The following ATP10B variants were observed in gnomAD, a reference collection of about 807,000 sequenced individuals.
ATP10B encodes phospholipid-transporting ATPase VB.
In ATP10B, 122 loss-of-function variants were observed where a neutral mutation model predicts 141.2. The ratio of observed to expected loss-of-function variants is 0.86; its 90% confidence interval spans 0.75 to 1.00. ATP10B has a LOEUF of 1.00. ATP10B is among the 50% of genes least tolerant of loss of function. The pLI, the probability that ATP10B is intolerant of heterozygous loss-of-function variation, is 0.00. For missense variants in ATP10B, 1,876 were observed against 1,825.3 expected, an observed-to-expected ratio of 1.03 and a Z score of -0.51; for synonymous variants, 685 against 692.0, an observed-to-expected ratio of 0.99 and a Z score of 0.16.
intron 2 of ATP10B, among the ~76,000 whole-genome samples, chr5:160,722,849 T>C (rs1257020016): frequency 6.6e-6 from 1 of 152,080 alleles, no homozygotes; most frequent in Non-Finnish European, 1.5e-5. Context: ...GAGCAACACC[T>C]TGACAGTGGA....
At chr5:160,877,708 T>C in the ATP10B span, among the ~76,000 whole-genome samples, 2 of 141,440 alleles carry the variant, frequency 1.4e-5, no homozygotes, top group Non-Finnish European at 1.6e-5. Flanking sequence ...AAAATCAATG[T>C]ACAAAAATCA....
chr5:160,835,342 GA>G (rs1775352651), intron 1 of ATP10B, among the ~76,000 whole-genome samples: 1 of 152,148 alleles, frequency 6.6e-6, no homozygotes, highest in Non-Finnish European at 1.5e-5. Flanking sequence ...GTTGTTGTCG[GA>G]AGAATGTTTA....
At chr5:160,650,053 G>A (rs1760599590) in intron 7 of ATP10B, among the ~76,000 whole-genome samples, 1 of 151,492 alleles carries the variant, frequency 6.6e-6, no homozygotes, top group Admixed American at 6.6e-5. Context: ...AGGTTGCAGT[G>A]AGCCAAGATC....
intron 1 of ATP10B, among the ~76,000 whole-genome samples, chr5:160,835,206 C>G (rs1348926962): frequency 2.0e-5 from 3 of 152,038 alleles, no homozygotes; most frequent in African/African-American, 7.2e-5. Context: ...AAAAAAATAA[C>G]TCGAGATAGA....
intron 16 of ATP10B, among the ~76,000 whole-genome samples, chr5:160,617,588 A>G (rs906832555): frequency 5.3e-5 from 8 of 152,252 alleles, no homozygotes; most frequent in Non-Finnish European, 1.0e-4. Context: ...AAACAAAATT[A>G]TAACTGAAAA....
chr5:160,886,433 G>T, the ATP10B span, among the ~76,000 whole-genome samples: 7 of 152,312 alleles, frequency 4.6e-5, no homozygotes, highest in African/African-American at 1.7e-4. Flanking sequence ...TGAGGCCCTG[G>T]ATAGCTTAGA....
intron 11 of ATP10B, among the ~76,000 whole-genome samples, chr5:160,634,991 T>A (rs1225424368): frequency 1.3e-5 from 2 of 152,236 alleles, no homozygotes; most frequent in African/African-American, 4.8e-5. Context: ...TATCTCATAT[T>A]TACCAAGTGC....
At chr5:160,790,857 G>A (rs940005652) in intron 1 of ATP10B, among the ~76,000 whole-genome samples, 1 of 152,150 alleles carries the variant, frequency 6.6e-6, no homozygotes, top group Non-Finnish European at 1.5e-5. Flanking sequence ...GGATCATCTG[G>A]GTTGGCCCAG....
Position 160,641,202 on chromosome 5 carries a change from G to A in ATP10B, c.869-610C>T, listed in dbSNP as rs1397798328. On this transcript the variant is annotated intron_variant, in intron 9 of 25. Transcript: ENST00000327245. ...TGCTCCAAGGAGATGACATTGAAGG[G>A]AGGCCTGAAGGGAAAGCAGAGTTGG... Among the ~76,000 whole-genome samples, 11 of 152,342 alleles carry A rather than the reference G, an allele frequency of 7.2e-5. No individual in the cohort carries two copies. In the East Asian group the frequency reaches 1.9e-3, roughly 27 times the overall value.
intron 1 of ATP10B, among the ~76,000 whole-genome samples, chr5:160,849,064 T>C (rs891225409): frequency 6.6e-6 from 1 of 152,164 alleles, no homozygotes; most frequent in African/African-American, 2.4e-5. Flanking sequence ...GTTTTGCCCT[T>C]CTAATAGTTC....
chr5:160,830,970 AACACACACACAC>A (rs779765993), intron 1 of ATP10B, among the ~76,000 whole-genome samples: 2 of 70,606 alleles, frequency 2.8e-5, no homozygotes, highest in Admixed American at 1.5e-4. Flanking sequence ...TACATACACA[AACACACACACAC>A]ACACACACAC....
chr5:160,598,693 C>T, intron 22 of ATP10B, 77 bp downstream of exon 22: 1 of 1,371,478 alleles, frequency 7.3e-7, no homozygotes, highest in Middle Eastern at 2.4e-4. Flanking sequence ...ACAGCTCTTT[C>T]TCTGATGCCT....
intron 1 of ATP10B, among the ~76,000 whole-genome samples, chr5:160,814,794 A>C (rs1454133523): frequency 4.3e-5 from 6 of 140,448 alleles, no homozygotes; most frequent in African/African-American, 1.5e-4. Context: ...CTCTCAGCAG[A>C]AACTCTACAA....
chr5:160,883,274 G>C, the ATP10B span, among the ~76,000 whole-genome samples: 279 of 152,240 alleles, frequency 1.8e-3, 1 homozygote, highest in African/African-American at 5.8e-3. Flanking sequence ...CTTTATTGAA[G>C]AATCTATTGA....
chr5:160,771,059 C>A (rs541425296), intron 2 of ATP10B, among the ~76,000 whole-genome samples: 1 of 152,306 alleles, frequency 6.6e-6, no homozygotes, highest in East Asian at 1.9e-4. Flanking sequence ...TGAGTCAAGG[C>A]TTTGGCCTCA....
intron 2 of ATP10B, among the ~76,000 whole-genome samples, chr5:160,737,168 T>C (rs565482358): frequency 1.3e-5 from 2 of 152,316 alleles, no homozygotes; most frequent in South Asian, 2.1e-4. Context: ...CATAATCATG[T>C]TATTTGGTGC....
chr5:160,680,776 AG>A lies in ATP10B; in HGVS notation c.470+5302del, dbSNP rs547544833. 1.5e-4 allele frequency among the ~76,000 whole-genome samples: 23 copies of A among 152,342 alleles called. 1 individual carries two copies. In the East Asian group the frequency reaches 4.2e-3, roughly 28 times the overall value. On this transcript the variant is annotated intron_variant, in intron 6 of 25. Coordinates refer to ENST00000327245, the MANE Select transcript of ATP10B (RefSeq NM_025153.3). ...ACTGTGGCTCAGGTATAACCTAGTT[AG>A]TACAATCCCATCTCTTGCCCCTAGG...
intron 16 of ATP10B, among the ~76,000 whole-genome samples, chr5:160,617,208 C>T (rs1758072382): frequency 1.3e-5 from 2 of 152,226 alleles, no homozygotes; most frequent in Non-Finnish European, 2.9e-5. Flanking sequence ...GTGACTCATT[C>T]GGTGTCCACA....
intron 2 of ATP10B, among the ~76,000 whole-genome samples, chr5:160,771,518 C>T (rs1321462177): frequency 1.3e-5 from 2 of 152,036 alleles, no homozygotes; most frequent in Non-Finnish European, 2.9e-5. Context: ...AGGTATATGT[C>T]CTTAAAAAAT....
Sources: allele counts gnomAD v4.1 joint callset (sites outside exome capture counted in the v4.1 genomes callset), GRCh38; gene constraint gnomAD v4.1.1; transcripts MANE v1.5; gene names NCBI Gene and HGNC (gene_info 2026-07-23, HGNC 2026-07-21).